The following ANK2 variants were observed in gnomAD, a reference collection of about 807,000 sequenced individuals.
ANK2 encodes the protein ankyrin-2.
Under a neutral mutation model 360.5 loss-of-function variants are expected in ANK2, and 83 were observed. That is an observed-to-expected ratio of 0.23 (90% CI 0.19 to 0.28). The LOEUF is 0.28. ANK2 is among the 10% of genes least tolerant of loss of function. The pLI, the probability that ANK2 is intolerant of heterozygous loss-of-function variation, is 1.00. For missense variants in ANK2, 4,201 were observed against 4,795.7 expected (o/e 0.88, Z 3.66); for synonymous variants, 1,740 against 1,759.5 (o/e 0.99, Z 0.28).
chr4:113,266,163 G>A (rs766571813), intron 14 of ANK2, among the ~76,000 whole-genome samples: 2 of 151,998 alleles, frequency 1.3e-5, no homozygotes, highest in African/African-American at 2.4e-5. Context: ...GTGTCCATGT[G>A]TTCTCATTGT....
In ANK2 at chr4:113,027,135, G is replaced by A. The variant is rs575369800; in HGVS notation, c.21+122621G>A. Among the ~76,000 whole-genome samples, 254 of 152,268 alleles carry A rather than the reference G, an allele frequency of 1.7e-3. 1 individual carries two copies. Among genetic ancestry groups the A allele is most frequent in the Admixed American group, 3.1e-3 (47 of 15,278 alleles). On this transcript the variant is annotated intron_variant, in intron 2 of 30. Transcript: ENST00000503271. The stretch of plus-strand genomic sequence containing the variant: ...TTCATTGTCCTTGGTATCTTGGAAA[G>A]TAAGTGATTGTCTCCTTTTGACTTG...
chr4:113,100,442 A>G (rs1461810105), intron 1 of ANK2, among the ~76,000 whole-genome samples: 22 of 152,148 alleles, frequency 1.4e-4, no homozygotes. Flanking sequence ...GTACAAACCT[A>G]TTAGAATTAC....
At chr4:112,886,294 T>TA (rs1306884380) in intron 1 of ANK2, among the ~76,000 whole-genome samples, 4 of 151,956 alleles carry the variant, frequency 2.6e-5, no homozygotes, top group Admixed American at 2.6e-4. Flanking sequence ...AATACCACAT[T>TA]AGGTACCTTA....
chr4:113,301,093 A>G (rs994362727), intron 22 of ANK2, among the ~76,000 whole-genome samples: 1 of 152,198 alleles, frequency 6.6e-6, no homozygotes, highest in African/African-American at 2.4e-5. Flanking sequence ...AAAAAACTAG[A>G]CAACCTATTT....
Position 113,038,145 on chromosome 4 carries a change from C to T in ANK2, c.21+133631C>T, listed in dbSNP as rs570508360. 3.3e-5 allele frequency among the ~76,000 whole-genome samples: 5 copies of T among 151,390 alleles called. No individual in the cohort carries two copies. In the East Asian group the frequency reaches 7.8e-4, roughly 24 times the overall value. On this transcript the variant is annotated intron_variant, in intron 2 of 30. Coordinates refer to the ANK2 transcript ENST00000503271. The stretch of plus-strand genomic sequence containing the variant: ...CTGTTACGAGGTCATATAGATGTTA[C>T]GTAGAAGAGGAGGGGCCAAGGAGAG...
intron 2 of ANK2, among the ~76,000 whole-genome samples, chr4:113,187,604 A>G (rs999811345): frequency 2.6e-5 from 4 of 152,244 alleles, no homozygotes; most frequent in African/African-American, 9.6e-5. Context: ...TGAGGGGTTT[A>G]CAAAGAAAAG....
At chr4:113,283,066 C>G (rs1035897731) in intron 18 of ANK2, among the ~76,000 whole-genome samples, 194 bp downstream of exon 18, 1 of 152,192 alleles carries the variant, frequency 6.6e-6, no homozygotes, top group South Asian at 2.1e-4. Flanking sequence ...GAGAGAGACT[C>G]TCTGTATGGC....
At chr4:113,025,159 CT>C (rs377692749) in intron 2 of ANK2, among the ~76,000 whole-genome samples, 2,381 of 152,130 alleles carry the variant, frequency 0.016, 56 homozygotes, top group African/African-American at 0.054. Context: ...TTTCTGCCCC[CT>C]GCCCCAATTT....
chr4:113,373,850 T>G (rs959234891), intron 45 of ANK2, among the ~76,000 whole-genome samples: 1 of 152,218 alleles, frequency 6.6e-6, no homozygotes, highest in African/African-American at 2.4e-5. Flanking sequence ...AGAAAGTCAC[T>G]CTAGATAAAT....
intron 32 of ANK2, 137 bp from the exon 33 acceptor site, chr4:113,341,551 T>A: frequency 1.2e-6 from 1 of 832,766 alleles, no homozygotes; most frequent in Non-Finnish European, 1.9e-6. Flanking sequence ...TTTGGCCTTC[T>A]CTCATTATCT....
intron 28 of ANK2, 95 bp from the exon 29 acceptor site, chr4:113,332,959 G>T (rs1563829820): frequency 6.3e-7 from 1 of 1,578,502 alleles, no homozygotes; most frequent in Middle Eastern, 2.2e-4. Context: ...CCCAGCAAAA[G>T]AAGAATTCCA....
intron 1 of ANK2, among the ~76,000 whole-genome samples, chr4:112,881,219 C>T (rs2076605636): frequency 3.3e-5 from 5 of 152,190 alleles, no homozygotes; most frequent in Admixed American, 3.3e-4. Flanking sequence ...GGGCAGATCA[C>T]TTGAGCTCAG....
intron 1 of ANK2, among the ~76,000 whole-genome samples, chr4:112,892,429 T>C (rs1256065508): frequency 6.6e-6 from 1 of 152,234 alleles, no homozygotes; most frequent in Non-Finnish European, 1.5e-5. Flanking sequence ...ATGAAGTAAG[T>C]GTCTGCATGT....
At chr4:112,830,979 C>G (rs1266749846) in intron 1 of ANK2, among the ~76,000 whole-genome samples, 2 of 152,188 alleles carry the variant, frequency 1.3e-5, no homozygotes, top group Non-Finnish European at 2.9e-5. Flanking sequence ...TGCCCCGGGT[C>G]CCCCAGCACT....
Position 113,300,547 on chromosome 4 carries a change from T to C in ANK2, c.2476-2220T>C, listed in dbSNP as rs549877183. On this transcript the variant is annotated intron_variant, in intron 22 of 45. Coordinates refer to ENST00000357077, the MANE Select transcript of ANK2 (RefSeq NM_001148.6). Reference sequence around the variant, plus strand: ...GAGAGGGCACACACAGTGCGTAGTGTATGACACAGCACACACGATGCTCTA... The same window carrying C: ...GAGAGGGCACACACAGTGCGTAGTGCATGACACAGCACACACGATGCTCTA... Among the ~76,000 whole-genome samples, 260 of 152,310 alleles carry C rather than the reference T, an allele frequency of 1.7e-3. 4 individuals are homozygous for C. The highest frequency in any genetic ancestry group is 6.1e-3 in the African/African-American group (254 of 41,560).
At chr4:113,142,707 G>A (rs923738443) in intron 1 of ANK2, among the ~76,000 whole-genome samples, 1 of 152,020 alleles carries the variant, frequency 6.6e-6, no homozygotes, top group African/African-American at 2.4e-5. Context: ...GAAAGCATGA[G>A]ATGATTTCCC....
Position 113,356,760 on chromosome 4 carries a change from T to A in ANK2, c.8142T>A (p.Val2714=), listed in dbSNP as rs1165411756. 2 of 1,614,106 alleles carry A rather than the reference T, an allele frequency of 1.2e-6. No homozygotes were observed. The highest frequency in any genetic ancestry group is 1.7e-6 in the Non-Finnish European group (2 of 1,179,984). Residue 2714 remains valine (V), a synonymous_variant, in exon 38 of 46, where the codon GTT becomes GTA. Transcript: ENST00000357077. ...SPEEVQFQPV[V]SKQYTFKMNE... is the part of the protein sequence containing the mutation. Reference sequence around the variant, plus strand: ...AAGAAGTACAATTCCAGCCTGTCGTTTCCAAACAATATACTTTCAAGATGA... The same window carrying A: ...AAGAAGTACAATTCCAGCCTGTCGTATCCAAACAATATACTTTCAAGATGA...
the ANK2 span, among the ~76,000 whole-genome samples, chr4:112,756,744 G>A: frequency 3.9e-5 from 6 of 152,250 alleles, no homozygotes; most frequent in South Asian, 4.2e-4. Context: ...AGGCCAAGGC[G>A]GGTGGATCCC....
At chr4:112,782,213 C>T in the ANK2 span, among the ~76,000 whole-genome samples, 6 of 151,876 alleles carry the variant, frequency 4.0e-5, no homozygotes, top group Non-Finnish European at 4.4e-5. Context: ...TCAAAATAAT[C>T]TCATATGTGT....
Sources: allele counts gnomAD v4.1 joint callset (sites outside exome capture counted in the v4.1 genomes callset), GRCh38; gene constraint gnomAD v4.1.1; transcripts MANE v1.5; gene names NCBI Gene and HGNC (gene_info 2026-07-23, HGNC 2026-07-21).